MNS1: variants seen among roughly 807,000 people sequenced by gnomAD.
MNS1 encodes meiosis specific nuclear structural 1, also known as meiosis-specific nuclear structural protein 1.
MNS1 carries 63 observed loss-of-function variants against 72.0 expected under a neutral mutation model. That is an observed-to-expected ratio of 0.87 (90% CI 0.71 to 1.08). The LOEUF (loss-of-function observed/expected upper bound fraction) is 1.08, where lower values mean the gene tolerates loss of function less well. Among genes scored for constraint, MNS1 ranks in the 50% least tolerant of loss-of-function variants. The pLI is 0.00. For missense variants in MNS1, 604 were observed against 562.4 expected (o/e 1.07, Z -0.75); for synonymous variants, 188 against 172.1 (o/e 1.09, Z -0.72).
chr15:56,436,526 C>T (rs1286357511), intron 7 of MNS1, among the ~76,000 whole-genome samples: 1 of 152,026 alleles, frequency 6.6e-6, no homozygotes, highest in Non-Finnish European at 1.5e-5. Flanking sequence ...AATTGACACC[C>T]TAACATCACA....
At chr15:56,461,971 TG>T (rs1210279296) in intron 2 of MNS1, among the ~76,000 whole-genome samples, 34 of 27,076 alleles carry the variant, frequency 1.3e-3, no homozygotes, top group African/African-American at 3.7e-3. Flanking sequence ...GTTTTTTTGT[TG>T]TTGTTTTTTT....
At chr15:56,437,514 G>A (rs569745417) in intron 7 of MNS1, among the ~76,000 whole-genome samples, 1 of 152,268 alleles carries the variant, frequency 6.6e-6, no homozygotes, top group South Asian at 2.1e-4. Flanking sequence ...ATATCATACT[G>A]AATGGGCAAA....
intron 8 of MNS1, 28 bp downstream of exon 8, chr15:56,434,110 C>T (rs776759712): frequency 1.9e-6 from 3 of 1,598,910 alleles, no homozygotes; most frequent in Non-Finnish European, 2.6e-6. Context: ...ATGATAATGA[C>T]CAAAAAAACC....
chr15:56,443,132 T>C (rs894845868), intron 7 of MNS1, among the ~76,000 whole-genome samples: 1 of 152,208 alleles, frequency 6.6e-6, no homozygotes, highest in Admixed American at 6.5e-5. Flanking sequence ...TTTTGACTAG[T>C]GTCTGTATGT....
intron 7 of MNS1, among the ~76,000 whole-genome samples, chr15:56,439,162 G>A (rs1047622914): frequency 6.6e-6 from 1 of 152,056 alleles, no homozygotes; most frequent in Non-Finnish European, 1.5e-5. Context: ...CAAAATAAAA[G>A]CTAACATTCC....
At chr15:56,431,279 G>C in intron 9 of MNS1, 94 bp downstream of exon 9, 1 of 1,449,888 alleles carries the variant, frequency 6.9e-7, no homozygotes, top group Non-Finnish European at 9.4e-7. Flanking sequence ...CGAGCAAGAA[G>C]TGAGCAAAAC....
rs74472740 is a variant in MNS1, at chr15:56,457,970, G to C, written c.226-1449C>G. On this transcript the variant is annotated intron_variant, in intron 2 of 9. Transcript: ENST00000260453. ...AATAGCCAATACCAAAAATACTCCA[G>C]ACATCCTTCATCATGTGAGTGGTCA... Among the ~76,000 whole-genome samples, 1,260 of 152,196 alleles carry C rather than the reference G, an allele frequency of 8.3e-3. 20 individuals carry two copies. Among genetic ancestry groups the C allele is most frequent in the African/African-American group, 0.029 (1,185 of 41,522 alleles).
chr15:56,460,027 T>TAC (rs1356857012), intron 2 of MNS1, among the ~76,000 whole-genome samples: 2 of 90,948 alleles, frequency 2.2e-5, no homozygotes, highest in East Asian at 5.8e-4. Context: ...TATATATATA[T>TAC]ATATATATGT....
chr15:56,438,381 C>A (rs1341174645), intron 7 of MNS1, among the ~76,000 whole-genome samples: 1 of 151,978 alleles, frequency 6.6e-6, no homozygotes, highest in African/African-American at 2.4e-5. Flanking sequence ...CTGACAAAAA[C>A]AAGCAATAGG....
At chr15:56,450,067 G>T (rs2050937962) in intron 3 of MNS1, among the ~76,000 whole-genome samples, 1 of 151,708 alleles carries the variant, frequency 6.6e-6, no homozygotes. Context: ...CTTTATTATT[G>T]CCTTCCTCCT....
chr15:56,438,981 G>A (rs1178841193), intron 7 of MNS1, among the ~76,000 whole-genome samples: 1 of 152,012 alleles, frequency 6.6e-6, no homozygotes, highest in Non-Finnish European at 1.5e-5. Flanking sequence ...AGGAAAGGAA[G>A]TAAAAAGTAT....
At chr15:56,432,722 A>G (rs1311265526) in intron 8 of MNS1, among the ~76,000 whole-genome samples, 1 of 152,146 alleles carries the variant, frequency 6.6e-6, no homozygotes, top group African/African-American at 2.4e-5. Context: ...CTCCTATCCA[A>G]GTACTAACCA....
chr15:56,441,504 G>A (rs1174888531), intron 7 of MNS1, among the ~76,000 whole-genome samples: 1 of 152,054 alleles, frequency 6.6e-6, no homozygotes, highest in Non-Finnish European at 1.5e-5. Flanking sequence ...ACCTGGCAAA[G>A]ATTTCATGAT....
intron 9 of MNS1, 48 bp from the exon 10 acceptor site, chr15:56,429,241 C>T (rs778062576): frequency 8.2e-7 from 1 of 1,223,048 alleles, no homozygotes; most frequent in East Asian, 2.4e-5. Context: ...CAGAATATTT[C>T]ACTAAATGCT....
At chr15:56,460,395 C>G (rs2140382631) in intron 2 of MNS1, among the ~76,000 whole-genome samples, 1 of 152,178 alleles carries the variant, frequency 6.6e-6, no homozygotes. Flanking sequence ...AGCCACATTC[C>G]TCTCAAGGCT....
At chr15:56,437,324 T>C (rs1460663345) in intron 7 of MNS1, among the ~76,000 whole-genome samples, 1 of 152,096 alleles carries the variant, frequency 6.6e-6, no homozygotes, top group African/African-American at 2.4e-5. Context: ...CACAAATCAA[T>C]AAATGTAATC....
chr15:56,444,425 A>G lies in MNS1; in HGVS notation c.686+19T>C, dbSNP rs767565057. 2 of 1,583,110 alleles carry G rather than the reference A, an allele frequency of 1.3e-6. No homozygotes were observed. The highest frequency in any genetic ancestry group is 1.7e-6 in the Non-Finnish European group (2 of 1,163,468). Reference sequence around the variant, plus strand: ...TAAAGTAAACATTTAGACATGTAAGAAAGTTAGGATAAACTTACAACTGAT... The same window carrying G: ...TAAAGTAAACATTTAGACATGTAAGGAAGTTAGGATAAACTTACAACTGAT... On this transcript the variant is annotated intron_variant, in intron 5 of 9. Transcript: ENST00000260453.
intron 3 of MNS1, 183 bp from the exon 4 acceptor site, chr15:56,447,126 A>AT (rs1356882420): frequency 4.1e-5 from 21 of 515,588 alleles, no homozygotes; most frequent in Non-Finnish European, 6.9e-5. Flanking sequence ...TAGGGCTTAC[A>AT]TTTTCTGGTT....
At chr15:56,460,811 C>T (rs1052595862) in intron 2 of MNS1, among the ~76,000 whole-genome samples, 3 of 152,116 alleles carry the variant, frequency 2.0e-5, no homozygotes, top group Non-Finnish European at 4.4e-5. Context: ...GGCACAATGG[C>T]TGATTCCAGG....
Sources: gnomAD v4.1 joint callset for allele counts (sites outside exome capture counted in the v4.1 genomes callset) on GRCh38, gnomAD v4.1.1 for gene constraint, MANE v1.5 for transcripts, NCBI Gene and HGNC (gene_info 2026-07-23, HGNC 2026-07-21) for gene names.